The following SEC62 variants were observed in gnomAD, a reference collection of about 807,000 sequenced individuals.
SEC62 encodes SEC62 preprotein translocation factor, also known as translocation protein SEC62.
Under a neutral mutation model 47.5 loss-of-function variants are expected in SEC62, and 10 were observed. That is an observed-to-expected ratio of 0.21 (90% CI 0.13 to 0.36). The LOEUF is 0.36. Among genes scored for constraint, SEC62 ranks in the 10% least tolerant of loss-of-function variants. The pLI, the probability that SEC62 is intolerant of heterozygous loss-of-function variation, is 1.00. For synonymous variants in SEC62, 136 were observed against 150.5 expected, an observed-to-expected ratio of 0.90 and a Z score of 0.71; for missense variants, 327 against 464.1, an observed-to-expected ratio of 0.70 and a Z score of 2.71.
At position 169,995,748 on chromosome 3, in the gene SEC62, A is replaced by G. The variant is rs1422051586; in HGVS notation, c.*2685A>G. ...ATTAGCAAATATAGAACCTAGGGGA[A>G]ATACAAGGCTAGATTTCTGCAAGCC... On this transcript the variant is annotated 3_prime_UTR_variant, in exon 8 of 8. Coordinates refer to ENST00000337002, the MANE Select transcript of SEC62 (RefSeq NM_003262.4). 6.6e-6 allele frequency: 1 copy of G among 152,212 alleles called. No homozygotes were observed. Among genetic ancestry groups the G allele is most frequent in the East Asian group, 1.9e-4 (1 of 5,202 alleles). The allele number at this position is 152,212 out of a possible 1,614,324, so 9.4% of individuals were successfully genotyped here.
intron 1 of SEC62, 23 bp downstream of exon 1, chr3:169,966,881 A>G: frequency 7.5e-7 from 1 of 1,331,456 alleles, no homozygotes; most frequent in South Asian, 1.2e-5. Context: ...AGCTCTGGGC[A>G]GGGGGCTTCG....
At chr3:169,967,186 C>G (rs1417966113) in intron 1 of SEC62, among the ~76,000 whole-genome samples, 1 of 152,186 alleles carries the variant, frequency 6.6e-6, no homozygotes, top group Non-Finnish European at 1.5e-5. Flanking sequence ...GGAAGGTCAG[C>G]CTCCCCTGGG....
At chr3:169,972,335 T>A (rs1169318389) in intron 1 of SEC62, among the ~76,000 whole-genome samples, 2 of 152,192 alleles carry the variant, frequency 1.3e-5, no homozygotes, top group Non-Finnish European at 2.9e-5. Context: ...GCCACAATAT[T>A]TATGGCTTTT....
rs974361972 is a variant in SEC62, at chr3:169,993,444, A to G, written c.*381A>G. 4.7e-5 allele frequency: 8 copies of G among 169,484 alleles called. No homozygotes were observed. The highest frequency in any genetic ancestry group is 1.9e-4 in the African/African-American group (8 of 41,686). The allele number at this position is 169,484 out of a possible 1,614,324, so 10.5% of individuals were successfully genotyped here. ...GAACAAAGAAACTCCAACATTTCACATTATGCATAGTTATGTAGCCATTTC... is the reference window on the plus strand; with the variant it reads ...GAACAAAGAAACTCCAACATTTCACGTTATGCATAGTTATGTAGCCATTTC... On this transcript the variant is annotated 3_prime_UTR_variant, in exon 8 of 8. Coordinates refer to ENST00000337002, the MANE Select transcript of SEC62 (RefSeq NM_003262.4).
rs1576866623 is a variant in SEC62 at position 169,993,307 on chromosome 3, C to T, written c.*244C>T. On this transcript the variant is annotated 3_prime_UTR_variant, in exon 8 of 8. Coordinates refer to ENST00000337002, the MANE Select transcript of SEC62 (RefSeq NM_003262.4). ...AATTTTACAGTAAGTAGGTCTCATT[C>T]ATTTTGACAGTTATCAAAGATGTAC... is the stretch of plus-strand genomic sequence containing the variant. 3 of 362,188 alleles carry T rather than the reference C, an allele frequency of 8.3e-6. No individual in the cohort carries two copies. Among genetic ancestry groups the T allele is most frequent in the East Asian group, 4.7e-5 (1 of 21,458 alleles). 22.4% of individuals were successfully genotyped at this position (362,188 alleles called of 1,614,324 possible).
intron 1 of SEC62, chr3:169,969,280 A>G: frequency 2.2e-6 from 1 of 453,208 alleles, no homozygotes; most frequent in Non-Finnish European, 4.4e-6. Flanking sequence ...TTTTCTTTGT[A>G]ATTCAGTATA....
Position 169,982,857 on chromosome 3 carries a change from G to T in SEC62, c.402G>T (p.Lys134Asn). ...KSKKENIKDE[K>N]TKKEKEKKKD... ...AGAAAGAAAATATAAAGGATGAGAA[G>T]ACAAAAAAAGAAAAAGAGAAAAAAA... The change falls in exon 4 of 8, where the codon AAG (lysine) becomes AAT (asparagine). Residue 134 changes from lysine to asparagine, a missense_variant. Coordinates refer to ENST00000337002, the MANE Select transcript of SEC62 (RefSeq NM_003262.4). The T allele has an allele frequency of 6.7e-7, 1 of 1,502,180 alleles. No homozygotes were observed. Among genetic ancestry groups the T allele is most frequent in the South Asian group, 1.4e-5 (1 of 70,484 alleles). The allele number at this position is 1,502,180 out of a possible 1,614,324, so 93.1% of individuals were successfully genotyped here.
Position 169,977,030 on chromosome 3 carries a change from C to G in SEC62, c.230C>G (p.Ser77Cys). The G allele has an allele frequency of 6.2e-7, 1 of 1,609,794 alleles. No individual in the cohort carries two copies. The highest frequency in any genetic ancestry group is 1.1e-5 in the South Asian group (1 of 90,568). The change falls in exon 3 of 8, where the codon TCT (serine) becomes TGT (cysteine). Residue 77 changes from serine to cysteine, a missense_variant. By Grantham distance (112) the Ser-to-Cys change is moderately radical. Around this residue, in one of 3 missense-constraint regions of SEC62, gnomAD observed 126 missense variants for 161.2 expected, o/e 0.78. Transcript: ENST00000337002. ...GAAGCTTTATTTACAACCAGGGAGT[C>G]TGTGGTTGACTACTGCAACAGGTAC... ...GEEALFTTRESVVDYCNRLLK... is the reference protein window; with the variant it reads ...GEEALFTTRECVVDYCNRLLK...
At chr3:169,973,903 A>C (rs1714766946) in intron 1 of SEC62, among the ~76,000 whole-genome samples, 1 of 152,194 alleles carries the variant, frequency 6.6e-6, no homozygotes. Context: ...ACAAAGGAAG[A>C]AATGAGAGAT....
At chr3:169,970,489 A>G (rs2108279127) in intron 1 of SEC62, among the ~76,000 whole-genome samples, 1 of 152,266 alleles carries the variant, frequency 6.6e-6, no homozygotes, top group Non-Finnish European at 1.5e-5. Context: ...TTTTTTCTCA[A>G]AAAGGTTAAA....
chr3:169,982,450 T>C (rs1714997222), intron 3 of SEC62, among the ~76,000 whole-genome samples: 1 of 152,166 alleles, frequency 6.6e-6, no homozygotes, highest in Admixed American at 6.5e-5. Flanking sequence ...TATAATCTCT[T>C]TTATACTTAA....
intron 1 of SEC62, among the ~76,000 whole-genome samples, chr3:169,974,845 T>A (rs904057389): frequency 6.6e-6 from 1 of 152,248 alleles, no homozygotes; most frequent in Non-Finnish European, 1.5e-5. Flanking sequence ...CCTTCTGCGA[T>A]CTGTTGTCCA....
chr3:169,974,919 ACTTT>A (rs1714794531), intron 1 of SEC62, among the ~76,000 whole-genome samples: 1 of 152,066 alleles, frequency 6.6e-6, no homozygotes, highest in African/African-American at 2.4e-5. Flanking sequence ...GTTTCTACTT[ACTTT>A]GACATTTGGA....
intron 3 of SEC62, among the ~76,000 whole-genome samples, chr3:169,978,258 G>A (rs1462383884): frequency 2.6e-5 from 4 of 152,132 alleles, no homozygotes; most frequent in African/African-American, 4.8e-5. Flanking sequence ...CAGCCTGGGC[G>A]ACAGAGTGAG....
chr3:169,990,659 A>T (rs1715229427), intron 7 of SEC62, among the ~76,000 whole-genome samples: 1 of 152,216 alleles, frequency 6.6e-6, no homozygotes, highest in African/African-American at 2.4e-5. Flanking sequence ...GGAGAAAAAA[A>T]TGTACAGCCT....
At chr3:169,974,717 G>T (rs949878598) in intron 1 of SEC62, among the ~76,000 whole-genome samples, 6 of 152,160 alleles carry the variant, frequency 3.9e-5, no homozygotes, top group Non-Finnish European at 8.8e-5. Flanking sequence ...GACAGTCCCA[G>T]GAGTGTCTGG....
chr3:169,975,939 A>G (rs1714824940), intron 2 of SEC62, among the ~76,000 whole-genome samples: 1 of 152,146 alleles, frequency 6.6e-6, no homozygotes, highest in South Asian at 2.1e-4. Flanking sequence ...TTTAAATAGG[A>G]TTTATTTTCA....
At position 169,982,875 on chromosome 3, in the gene SEC62, GA is replaced by G. The variant is rs751191303; in HGVS notation, c.429del (p.Asp144MetfsTer58). 17 of 1,531,420 alleles carry G rather than the reference GA, an allele frequency of 1.1e-5. No individual in the cohort carries two copies. Among genetic ancestry groups the G allele is most frequent in the South Asian group, 3.8e-5 (3 of 79,486 alleles). 94.9% of individuals were successfully genotyped at this position (1,531,420 alleles called of 1,614,324 possible). On this transcript the variant is annotated frameshift_variant, in exon 4 of 8. Coordinates refer to ENST00000337002, the MANE Select transcript of SEC62 (RefSeq NM_003262.4). LOFTEE classifies it high-confidence loss of function. ...ATGAGAAGACAAAAAAAGAAAAAGA[GA>G]AAAAAAAAGATGGTGAAAAGGAAGA... ...KDEKTKKEKE[K>X]KKDGEKEESK...
chr3:169,994,521 C>T lies in SEC62; in HGVS notation c.*1458C>T, dbSNP rs532181068. The T allele has an allele frequency of 1.3e-3, 198 of 152,396 alleles. 1 individual carries two copies. The highest frequency in any genetic ancestry group is 4.6e-3 in the African/African-American group (191 of 41,488). 9.4% of individuals were successfully genotyped at this position (152,396 alleles called of 1,614,324 possible). On this transcript the variant is annotated 3_prime_UTR_variant, in exon 8 of 8. Coordinates refer to ENST00000337002, the MANE Select transcript of SEC62 (RefSeq NM_003262.4). ...GCTTGATTGCTTCTTTATAGTAGTC[C>T]CTGTAAGTGGACATAAATGTGGCTA...
Sources: gnomAD v4.1 joint callset for allele counts (sites outside exome capture counted in the v4.1 genomes callset) on GRCh38, gnomAD v4.1.1 for gene constraint, gnomAD v4.1.1 regional missense constraint, MANE v1.5 for transcripts, NCBI Gene and HGNC (gene_info 2026-07-23, HGNC 2026-07-21) for gene names.